The following KIF2A variants were observed in gnomAD, a reference collection of about 807,000 sequenced individuals.
KIF2A encodes the protein kinesin-like protein KIF2A.
A neutral mutation model predicts 100.2 loss-of-function variants in KIF2A; 22 were observed. The observed-to-expected ratio is 0.22, with a 90% CI of 0.16 to 0.31. The LOEUF is 0.31. KIF2A is among the 10% of genes least tolerant of loss of function. KIF2A has a pLI of 1.00. For synonymous variants in KIF2A, 268 were observed against 285.9 expected, an observed-to-expected ratio of 0.94 and a Z score of 0.63; for missense variants, 495 against 898.7, an observed-to-expected ratio of 0.55 and a Z score of 5.74.
chr5:62,381,043 A>G (rs1741753218), intron 19 of KIF2A, 75 bp from the exon 20 acceptor site: 4 of 1,077,544 alleles, frequency 3.7e-6, no homozygotes, highest in Non-Finnish European at 5.5e-6. Flanking sequence ...ATGTTTGATT[A>G]TATTTAACAG....
Position 62,340,032 on chromosome 5 carries a change from G to A in KIF2A, c.65-7098G>A, listed in dbSNP as rs182715803. On this transcript the variant is annotated intron_variant, in intron 1 of 20. Coordinates refer to ENST00000407818, the MANE Select transcript of KIF2A (RefSeq NM_001098511.3). ...TGGCTCACTGCAACCTCTGCCTCCCGGGTTCAAGCAATTCTGCATCAGCCT... is the reference window on the plus strand; with the variant it reads ...TGGCTCACTGCAACCTCTGCCTCCCAGGTTCAAGCAATTCTGCATCAGCCT... 1.6e-3 allele frequency among the ~76,000 whole-genome samples: 233 copies of A among 149,936 alleles called. 1 individual carries two copies. Among genetic ancestry groups the A allele is most frequent in the African/African-American group, 5.5e-3 (225 of 40,636 alleles).
chr5:62,362,567 A>T (rs755334695), intron 12 of KIF2A, 26 bp downstream of exon 12: 1 of 1,043,758 alleles, frequency 9.6e-7, no homozygotes, highest in South Asian at 2.0e-5. Context: ...TTTAATTTTA[A>T]TTTTTTAAAA....
At chr5:62,333,019 A>G (rs184457642) in intron 1 of KIF2A, among the ~76,000 whole-genome samples, 671 of 152,328 alleles carry the variant, frequency 4.4e-3, no homozygotes, top group Middle Eastern at 6.8e-3. Flanking sequence ...GCATCATCCT[A>G]TACCTACATT....
At chr5:62,309,149 A>G (rs1745448412) in intron 1 of KIF2A, among the ~76,000 whole-genome samples, 2 of 152,204 alleles carry the variant, frequency 1.3e-5, no homozygotes, top group South Asian at 2.1e-4. Flanking sequence ...TCTACGGAGC[A>G]TATTTTATTT....
At chr5:62,350,769 CAGG>C (rs1174119871) in intron 4 of KIF2A, among the ~76,000 whole-genome samples, 1 of 151,504 alleles carries the variant, frequency 6.6e-6, no homozygotes, top group East Asian at 2.0e-4. Context: ...AAAAATTAGC[CAGG>C]CATGGTGGCA....
At position 62,388,747 on chromosome 5, in the gene KIF2A, G is replaced by A; in HGVS notation, c.*3178G>A. On this transcript the variant is annotated 3_prime_UTR_variant, in exon 21 of 21. Transcript: ENST00000407818. ...CAATAAACTGTTAGAAATGATAAGT[G>A]TAAAGTTGTGCGTCTCTGCGGCTCC... 2.1e-6 allele frequency: 1 copy of A among 479,674 alleles called. No homozygotes were observed. Among genetic ancestry groups the A allele is most frequent in the Non-Finnish European group, 3.7e-6 (1 of 267,434 alleles). The allele number at this position is 479,674 out of a possible 1,614,324, so 29.7% of individuals were successfully genotyped here. A position where few individuals can be genotyped will look rare whatever the true frequency, so the allele number is the denominator to read the frequency against.
At chr5:62,355,105 G>A in intron 6 of KIF2A, 54 bp from the exon 7 acceptor site, 1 of 819,102 alleles carries the variant, frequency 1.2e-6, no homozygotes, top group South Asian at 1.7e-5. Flanking sequence ...AAATATAAAT[G>A]TAACAAATAC....
At chr5:62,350,159 T>G in intron 4 of KIF2A, 39 bp downstream of exon 4, 1 of 1,181,562 alleles carries the variant, frequency 8.5e-7, no homozygotes, top group Non-Finnish European at 1.2e-6. Flanking sequence ...GGCTATTGAC[T>G]TCTTAGTATG....
intron 4 of KIF2A, 82 bp from the exon 5 acceptor site, chr5:62,352,506 G>T: frequency 1.0e-6 from 1 of 978,312 alleles, no homozygotes; most frequent in Non-Finnish European, 1.5e-6. Context: ...ATCAGGTTTT[G>T]GGGGCTATCT....
chr5:62,367,657 G>A (rs1741142315), intron 16 of KIF2A, among the ~76,000 whole-genome samples: 1 of 152,140 alleles, frequency 6.6e-6, no homozygotes, highest in Non-Finnish European at 1.5e-5. Context: ...TTTACAGATA[G>A]AAGGACAGAA....
chr5:62,309,816 C>T (rs1745473881), intron 1 of KIF2A, among the ~76,000 whole-genome samples: 1 of 152,142 alleles, frequency 6.6e-6, no homozygotes, highest in South Asian at 2.1e-4. Flanking sequence ...TGAGCTTATT[C>T]CTATCTTTCA....
chr5:62,384,579 C>T (rs775413528), intron 20 of KIF2A, among the ~76,000 whole-genome samples: 53 of 152,256 alleles, frequency 3.5e-4, no homozygotes, highest in Non-Finnish European at 6.5e-4. Context: ...ACCAAATGCC[C>T]GCTGGGGGCC....
chr5:62,367,412 G>A (rs1259096545), intron 16 of KIF2A, among the ~76,000 whole-genome samples: 6 of 151,964 alleles, frequency 3.9e-5, no homozygotes, highest in African/African-American at 1.2e-4. Context: ...GACCATAGGC[G>A]TGTACCACCA....
Position 62,388,880 on chromosome 5 carries a change from G to A in KIF2A, c.*3311G>A. The A allele has an allele frequency of 1.3e-6, 1 of 785,448 alleles. No homozygotes were observed. Among genetic ancestry groups the A allele is most frequent in the East Asian group, 2.7e-5 (1 of 37,216 alleles). 48.7% of individuals were successfully genotyped at this position (785,448 alleles called of 1,614,324 possible). On this transcript the variant is annotated 3_prime_UTR_variant, in exon 21 of 21. Coordinates refer to ENST00000407818, the MANE Select transcript of KIF2A (RefSeq NM_001098511.3). ...TTCAGAATCATAAATGGTGACAACA[G>A]TAGTAGTATTGAACCAAAAATAGTC...
intron 1 of KIF2A, among the ~76,000 whole-genome samples, chr5:62,326,929 G>A (rs929509984): frequency 5.9e-5 from 9 of 152,020 alleles, no homozygotes; most frequent in African/African-American, 1.9e-4. Context: ...CCGGGGAGGC[G>A]GAGATTGCAG....
intron 1 of KIF2A, among the ~76,000 whole-genome samples, chr5:62,324,767 A>T (rs1053775139): frequency 6.6e-6 from 1 of 152,170 alleles, no homozygotes; most frequent in Non-Finnish European, 1.5e-5. Context: ...CTGGAAGAAA[A>T]CCTAGCAAGT....
rs1162889362 is a variant in KIF2A, at chr5:62,389,498, A to AAAAAAAAAAAAAAAG, written c.*3932_*3933insAAAAAAAAAAAGAAA. Among the ~76,000 whole-genome samples the AAAAAAAAAAAAAAAG allele has an allele frequency of 5.9e-5, 9 of 151,420 alleles. No homozygotes were observed. The highest frequency in any genetic ancestry group is 2.2e-4 in the African/African-American group (9 of 41,148). Reference sequence around the variant, plus strand: ...AAGACTCTGTCTCAAAAAAAAAAAAAAAAGAAATGTTATTGTCTGACTAAA... The same window carrying AAAAAAAAAAAAAAAG: ...AAGACTCTGTCTCAAAAAAAAAAAAAAAAAAAAAAAAAAAGAAAGAAATGTTATTGTCTGACTAAA... On this transcript the variant is annotated 3_prime_UTR_variant, in exon 21 of 21. Transcript: ENST00000407818.
chr5:62,388,885 A>T lies in KIF2A; in HGVS notation c.*3316A>T. The T allele has an allele frequency of 1.2e-6, 1 of 818,564 alleles. No individual in the cohort carries two copies. The highest frequency in any genetic ancestry group is 3.6e-4 in the Middle Eastern group (1 of 2,790). 50.7% of individuals were successfully genotyped at this position (818,564 alleles called of 1,614,324 possible). A position where few individuals can be genotyped will look rare whatever the true frequency, so the allele number is the denominator to read the frequency against. On this transcript the variant is annotated 3_prime_UTR_variant, in exon 21 of 21. Coordinates refer to ENST00000407818, the MANE Select transcript of KIF2A (RefSeq NM_001098511.3). ...AATCATAAATGGTGACAACAGTAGT[A>T]GTATTGAACCAAAAATAGTCAAGTA...
chr5:62,353,876 A>G (rs1747973925), intron 6 of KIF2A, among the ~76,000 whole-genome samples: 1 of 152,120 alleles, frequency 6.6e-6, no homozygotes, highest in Non-Finnish European at 1.5e-5. Context: ...TTCAGATGGT[A>G]GCAAGACTGT....
Sources: allele counts gnomAD v4.1 joint callset (sites outside exome capture counted in the v4.1 genomes callset), GRCh38; gene constraint gnomAD v4.1.1; transcripts MANE v1.5; gene names NCBI Gene and HGNC (gene_info 2026-07-23, HGNC 2026-07-21).